PAFAH1B1: variants seen among roughly 807,000 people sequenced by gnomAD.
The protein encoded by PAFAH1B1 is platelet activating factor acetylhydrolase 1b regulatory subunit 1.
PAFAH1B1 carries 2 observed loss-of-function variants against 57.5 expected under a neutral mutation model. That is an observed-to-expected ratio of 0.03 (90% CI 0.01 to 0.11). PAFAH1B1 has a LOEUF of 0.11. Among genes scored for constraint, PAFAH1B1 ranks in the 10% least tolerant of loss-of-function variants. PAFAH1B1 has a pLI of 1.00. For synonymous variants in PAFAH1B1, 152 were observed against 169.6 expected, an observed-to-expected ratio of 0.90 and a Z score of 0.81; for missense variants, 257 against 512.0, an observed-to-expected ratio of 0.50 and a Z score of 4.81.
chr17:2,662,378 T>TTTTGTG (rs2069027957), intron 2 of PAFAH1B1, among the ~76,000 whole-genome samples: 1 of 123,696 alleles, frequency 8.1e-6, no homozygotes, highest in Admixed American at 8.6e-5. Context: ...TTTAACCTCT[T>TTTTGTG]TGTGTGTGTG....
intron 2 of PAFAH1B1, 183 bp downstream of exon 2, chr17:2,638,503 A>T (rs1334400921): frequency 1.8e-6 from 1 of 569,114 alleles, no homozygotes; most frequent in Non-Finnish European, 3.1e-6. Context: ...CATTATTTTT[A>T]AAATTTATTT....
chr17:2,679,979 C>T (rs939574578), intron 9 of PAFAH1B1, 185 bp from the exon 10 acceptor site: 11 of 616,514 alleles, frequency 1.8e-5, no homozygotes, highest in East Asian at 2.8e-5. Context: ...AGTCAGGGAT[C>T]GTACGTTATA....
At chr17:2,667,897 C>G (rs1201314268) in intron 5 of PAFAH1B1, among the ~76,000 whole-genome samples, 3 of 151,708 alleles carry the variant, frequency 2.0e-5, no homozygotes, top group African/African-American at 7.3e-5. Flanking sequence ...TTGTTCCGGA[C>G]ACAATAAAAT....
chr17:2,667,216 G>C lies in PAFAH1B1; in HGVS notation c.399+18G>C. The C allele has an allele frequency of 6.3e-7, 1 of 1,594,094 alleles. No individual in the cohort carries two copies. Among genetic ancestry groups the C allele is most frequent in the East Asian group, 2.2e-5 (1 of 44,756 alleles). ...CAATTAAGGTAATTTTTTGTTAAAA[G>C]CAGACTTAACGGGAGGCTGAAGCAG... On this transcript the variant is annotated intron_variant, in intron 5 of 10. Transcript: ENST00000397195.
At chr17:2,643,015 T>A (rs2068717278) in intron 2 of PAFAH1B1, among the ~76,000 whole-genome samples, 1 of 152,194 alleles carries the variant, frequency 6.6e-6, no homozygotes, top group African/African-American at 2.4e-5. Flanking sequence ...TTTTTAAAAA[T>A]ATGAGATAGA....
chr17:2,601,584 G>GGT (rs200620144), intron 1 of PAFAH1B1, among the ~76,000 whole-genome samples: 3,901 of 152,278 alleles, frequency 0.026, 185 homozygotes, highest in African/African-American at 0.089. Context: ...TGAGATTACA[G>GGT]GTGCCTGCCG....
At chr17:2,606,748 A>G (rs1200869654) in intron 1 of PAFAH1B1, among the ~76,000 whole-genome samples, 1 of 151,764 alleles carries the variant, frequency 6.6e-6, no homozygotes, top group Non-Finnish European at 1.5e-5. Context: ...GTAAAACAGA[A>G]TAGCCATATA....
chr17:2,658,493 A>T (rs1185793933), intron 2 of PAFAH1B1, among the ~76,000 whole-genome samples: 1 of 152,174 alleles, frequency 6.6e-6, no homozygotes, highest in African/African-American at 2.4e-5. Context: ...GCAGTGTGAT[A>T]TACTTAACTG....
In PAFAH1B1 at chr17:2,624,734, G is replaced by T. The variant is rs148013010; in HGVS notation, c.-190-13365G>T. On this transcript the variant is annotated intron_variant, in intron 1 of 10. Coordinates refer to ENST00000397195, the MANE Select transcript of PAFAH1B1 (RefSeq NM_000430.4). ...GGGACGCAGCCAAACCATATCACCT[G>T]GTTTCTCTGTGTTGCCCAGGCTAGT... Among the ~76,000 whole-genome samples, 137 of 152,192 alleles carry T rather than the reference G, an allele frequency of 9.0e-4. 1 individual carries two copies. The East Asian group carries it at 0.021, about 24-fold the overall frequency.
chr17:2,634,719 A>G (rs1239318853), intron 1 of PAFAH1B1, among the ~76,000 whole-genome samples: 21 of 151,976 alleles, frequency 1.4e-4, no homozygotes, highest in Non-Finnish European at 1.5e-5. Context: ...GGGATAAATT[A>G]TAAAGACCTG....
chr17:2,664,665 G>GCGCGCTCGCT, intron 2 of PAFAH1B1, among the ~76,000 whole-genome samples: 1 of 86,028 alleles, frequency 1.2e-5, no homozygotes, highest in Non-Finnish European at 2.6e-5. Flanking sequence ...TCTATCTATC[G>GCGCGCTCGCT]CTCTCTCTCT....
At chr17:2,623,945 G>T (rs1945053136) in intron 1 of PAFAH1B1, among the ~76,000 whole-genome samples, 1 of 152,180 alleles carries the variant, frequency 6.6e-6, no homozygotes, top group Admixed American at 6.5e-5. Flanking sequence ...TGGTTGCTCT[G>T]CTTCCCTTTG....
chr17:2,659,455 A>T (rs1277852332), intron 2 of PAFAH1B1: 5 of 254,398 alleles, frequency 2.0e-5, no homozygotes, highest in Non-Finnish European at 3.8e-5. Context: ...GAGAATCGTG[A>T]GGTTGTGGTG....
At chr17:2,636,763 G>T (rs889603038) in intron 1 of PAFAH1B1, among the ~76,000 whole-genome samples, 16 of 151,924 alleles carry the variant, frequency 1.1e-4, no homozygotes. Context: ...ATTGGGTCTC[G>T]CTTTGTCACC....
intron 2 of PAFAH1B1, among the ~76,000 whole-genome samples, chr17:2,656,068 A>G (rs7221826): frequency 0.99 from 150,746 of 152,154 alleles, 74,696 homozygotes; most frequent in Middle Eastern, 1. Flanking sequence ...GACTACAGAC[A>G]TCTGCCACCA....
chr17:2,626,886 ATCT>A (rs1360107776), intron 1 of PAFAH1B1, among the ~76,000 whole-genome samples: 1 of 151,918 alleles, frequency 6.6e-6, no homozygotes, highest in African/African-American at 2.4e-5. Flanking sequence ...CCATTTGTAT[ATCT>A]TCTTTTGAGA....
chr17:2,634,650 TGTAA>T lies in PAFAH1B1; in HGVS notation c.-190-3446_-190-3443del, dbSNP rs1377994716. Among the ~76,000 whole-genome samples the T allele has an allele frequency of 4.6e-5, 7 of 152,202 alleles. No homozygotes were observed. In the South Asian group the frequency reaches 6.2e-4, roughly 13 times the overall value. ...TTCCTTTCTGATCTATTCTTCACTATGTAAGTGAGTGATTTTTTTTTTTCCTAAA... is the reference window on the plus strand; with the variant it reads ...TTCCTTTCTGATCTATTCTTCACTATGTGAGTGATTTTTTTTTTTCCTAAA... On this transcript the variant is annotated intron_variant, in intron 1 of 10. Coordinates refer to ENST00000397195, the MANE Select transcript of PAFAH1B1 (RefSeq NM_000430.4).
chr17:2,668,703 C>T lies in PAFAH1B1; in HGVS notation c.400-1460C>T, dbSNP rs537406643. Among the ~76,000 whole-genome samples, 23 of 145,046 alleles carry T rather than the reference C, an allele frequency of 1.6e-4. 1 individual carries two copies. In the Middle Eastern group the frequency reaches 0.018, roughly 115 times the overall value. On this transcript the variant is annotated intron_variant, in intron 5 of 10. Transcript: ENST00000397195. Reference sequence around the variant, plus strand: ...AAAAACAAAAAAATTGGACTGGGCACGGTAGCTCATGCCTGTAATCCCAGC... The same window carrying T: ...AAAAACAAAAAAATTGGACTGGGCATGGTAGCTCATGCCTGTAATCCCAGC...
intron 1 of PAFAH1B1, among the ~76,000 whole-genome samples, chr17:2,601,284 G>A (rs561597629): frequency 6.6e-6 from 1 of 151,820 alleles, no homozygotes; most frequent in East Asian, 1.9e-4. Flanking sequence ...ACAGGCATCT[G>A]TTACCCTGCC....
Sources: allele counts gnomAD v4.1 joint callset (sites outside exome capture counted in the v4.1 genomes callset), GRCh38; gene constraint gnomAD v4.1.1; transcripts MANE v1.5; gene names NCBI Gene and HGNC (gene_info 2026-07-23, HGNC 2026-07-21).